Variants in RBL1 observed in about 807,000 individuals in gnomAD.
RBL1 encodes the protein retinoblastoma-like protein 1.
In RBL1, 82 loss-of-function variants were observed where a neutral mutation model predicts 123.0. The observed-to-expected ratio is 0.67, with a 90% CI of 0.56 to 0.80. RBL1 has a LOEUF of 0.80. Ranked by LOEUF, RBL1 falls within the 30% of genes least tolerant of loss-of-function variation. The pLI, the probability that RBL1 is intolerant of heterozygous loss-of-function variation, is 0.00. For synonymous variants in RBL1, 405 were observed against 441.3 expected (o/e 0.92, Z 1.03); for missense variants, 1,171 against 1,299.6 (o/e 0.90, Z 1.52).
At chr20:37,003,909 CT>C in intron 20 of RBL1, 43 bp from the exon 21 acceptor site, 1 of 1,518,268 alleles carries the variant, frequency 6.6e-7, no homozygotes, top group Non-Finnish European at 8.9e-7. Context: ...AAAAGTTTTT[CT>C]TTGTTTTTGA....
intron 19 of RBL1, among the ~76,000 whole-genome samples, chr20:37,012,677 C>G (rs1236831440): frequency 1.8e-4 from 28 of 151,914 alleles, no homozygotes; most frequent in African/African-American, 6.8e-4. Context: ...GCAGCCACCC[C>G]GTCCGGGAGG....
intron 14 of RBL1, among the ~76,000 whole-genome samples, chr20:37,038,954 GA>G (rs2064676784): frequency 6.6e-6 from 1 of 152,142 alleles, no homozygotes; most frequent in South Asian, 2.1e-4. Flanking sequence ...ATTGCAGACA[GA>G]CAAACACACA....
chr20:37,067,095 A>C lies in RBL1; in HGVS notation c.583T>G (p.Leu195Val). The C allele has an allele frequency of 6.3e-7, 1 of 1,598,934 alleles. No homozygotes were observed. ...AGAAGTAAATGATAAGAGTTTACTAAGTCATCCCCAATCATCCGAAAATTA... is the reference window on the plus strand; with the variant it reads ...AGAAGTAAATGATAAGAGTTTACTACGTCATCCCCAATCATCCGAAAATTA... Reference protein sequence around the residue: ...KGNFRMIGDDLVNSYHLLLCC... With the variant: ...KGNFRMIGDDVVNSYHLLLCC... Residue 195 changes from leucine (L) to valine (V), a missense_variant, in exon 5 of 22, where the codon TTA (leucine) becomes GTA (valine). By Grantham distance (32) the Leu-to-Val change is conservative (BLOSUM62 1). Transcript: ENST00000373664.
chr20:37,022,418 C>T (rs2064355482), intron 17 of RBL1, among the ~76,000 whole-genome samples: 1 of 152,140 alleles, frequency 6.6e-6, no homozygotes, highest in Non-Finnish European at 1.5e-5. Flanking sequence ...CCTTGGCCTC[C>T]TGGGCTCAAG....
At chr20:37,073,422 G>T (rs1183627282) in intron 2 of RBL1, among the ~76,000 whole-genome samples, 1 of 152,130 alleles carries the variant, frequency 6.6e-6, no homozygotes, top group Non-Finnish European at 1.5e-5. Context: ...CTACTGCTGG[G>T]TGTGGTGGCT....
intron 16 of RBL1, 27 bp from the exon 17 acceptor site, chr20:37,022,853 C>G: frequency 6.5e-7 from 1 of 1,539,216 alleles, no homozygotes; most frequent in Non-Finnish European, 8.9e-7. Context: ...CACATTGATG[C>G]AAAACACCAA....
chr20:37,079,368 A>C (rs533635123), intron 2 of RBL1, among the ~76,000 whole-genome samples: 3 of 152,076 alleles, frequency 2.0e-5, no homozygotes, highest in Admixed American at 2.0e-4. Flanking sequence ...ATCGGCCATT[A>C]ACTTAGTGAT....
At chr20:37,052,038 G>GTT (rs907980073) in intron 11 of RBL1, among the ~76,000 whole-genome samples, 6 of 145,010 alleles carry the variant, frequency 4.1e-5, no homozygotes, top group Admixed American at 1.4e-4. Flanking sequence ...TTATTTTTAA[G>GTT]TTTTTTTTTT....
At position 37,095,930 on chromosome 20, in the gene RBL1, C is replaced by T. The variant is rs1451042513; in HGVS notation, c.-2G>A. On this transcript the variant is annotated 5_prime_UTR_variant, in exon 1 of 22. Transcript: ENST00000373664. ...AGCGTGGGGCTTGTCCTCGAACATC[C>T]CTTCAGGCCCCGCGGGCTGCGCGCC... The T allele has an allele frequency of 2.6e-6, 4 of 1,552,590 alleles. No homozygotes were observed. Among genetic ancestry groups the T allele is most frequent in the East Asian group, 2.3e-5 (1 of 43,218 alleles).
Position 37,067,247 on chromosome 20 carries a change from A to G in RBL1, c.542T>C (p.Phe181Ser). The change falls in exon 4 of 22, where the codon TTT becomes TCT. Residue 181 changes from phenylalanine (F) to serine (S), a missense_variant. Physicochemically the swap from Phe to Ser is radical, Grantham distance 155. Coordinates refer to ENST00000373664, the MANE Select transcript of RBL1 (RefSeq NM_002895.5). Reference protein sequence around the residue: ...KDLFNFCWTLFVYTKGNFRMI... With the variant: ...KDLFNFCWTLSVYTKGNFRMI... ...TGTCATCTTACCCTTAGTATAAACAAAAAGTGTCCAACAGAAATTAAACAG... is the reference window on the plus strand; with the variant it reads ...TGTCATCTTACCCTTAGTATAAACAGAAAGTGTCCAACAGAAATTAAACAG... 1.9e-6 allele frequency: 3 copies of G among 1,606,184 alleles called. No individual in the cohort carries two copies. Among genetic ancestry groups the G allele is most frequent in the Non-Finnish European group, 2.5e-6 (3 of 1,177,706 alleles).
chr20:37,067,081 A>G lies in RBL1; in HGVS notation c.597T>C (p.Tyr199=), dbSNP rs2065189662. ...GATCCAAGCAGCATAGAAGTAAATGATAAGAGTTTACTAAGTCATCCCCAA... is the reference window on the plus strand; with the variant it reads ...GATCCAAGCAGCATAGAAGTAAATGGTAAGAGTTTACTAAGTCATCCCCAA... ...RMIGDDLVNS[Y]HLLLCCLDLI... The change falls in exon 5 of 22, where the codon TAT becomes TAC. Residue 199 remains tyrosine, a synonymous_variant. Transcript: ENST00000373664. The G allele has an allele frequency of 1.2e-6, 2 of 1,608,208 alleles. No individual in the cohort carries two copies. Among genetic ancestry groups the G allele is most frequent in the East Asian group, 2.2e-5 (1 of 44,828 alleles).
At chr20:37,040,696 C>A (rs2064708854) in intron 13 of RBL1, among the ~76,000 whole-genome samples, 1 of 152,272 alleles carries the variant, frequency 6.6e-6, no homozygotes, top group East Asian at 1.9e-4. Flanking sequence ...TTATTTCTTT[C>A]TCACTTCTTC....
Position 37,003,846 on chromosome 20 carries a change from A to G in RBL1, c.2892T>C (p.Ser964=). 1 of 1,613,176 alleles carries G rather than the reference A, an allele frequency of 6.2e-7. No homozygotes were observed. The highest frequency in any genetic ancestry group is 2.2e-5 in the East Asian group (1 of 44,874). Residue 964 remains serine (S), a synonymous_variant, in exon 21 of 22, where the codon TCT becomes TCC. Coordinates refer to ENST00000373664, the MANE Select transcript of RBL1 (RefSeq NM_002895.5). The part of the protein sequence containing the change: ...QDHMMDAPPL[S]PFPHIKQQPG... ...GCTGTTGTTTAATATGTGGAAAAGG[A>G]GAGAGTGGTGGAGCATCCATCTAAA...
intron 2 of RBL1, among the ~76,000 whole-genome samples, chr20:37,077,313 C>T (rs1033397379): frequency 1.6e-4 from 24 of 152,094 alleles, no homozygotes; most frequent in African/African-American, 4.8e-4. Context: ...GGCTGGGCCA[C>T]GATGCCCAGA....
intron 16 of RBL1, among the ~76,000 whole-genome samples, chr20:37,028,492 G>A (rs1292773248): frequency 6.6e-6 from 1 of 152,072 alleles, no homozygotes; most frequent in Non-Finnish European, 1.5e-5. Flanking sequence ...TCATGCCACT[G>A]CACTGTAGCT....
chr20:37,010,391 T>TTA (rs913013521), intron 19 of RBL1, among the ~76,000 whole-genome samples: 4 of 152,208 alleles, frequency 2.6e-5, no homozygotes, highest in Non-Finnish European at 4.4e-5. Context: ...GTATTAAATA[T>TTA]TATATATATG....
intron 17 of RBL1, 71 bp downstream of exon 17, chr20:37,022,579 G>T: frequency 1.4e-6 from 2 of 1,393,246 alleles, no homozygotes; most frequent in South Asian, 1.6e-5. Flanking sequence ...TGCTCACCTT[G>T]ACCTCCGAAA....
Position 37,047,111 on chromosome 20 carries a change from G to C in RBL1, c.1547C>G (p.Pro516Arg). The change falls in exon 12 of 22, where the codon CCT (proline) becomes CGT (arginine). Residue 516 changes from proline (P) to arginine (R), a missense_variant. Physicochemically the swap from Pro to Arg is moderately radical, Grantham distance 103. Transcript: ENST00000373664. Reference protein sequence around the residue: ...LEIVLFAYSSPRTFPWIIEVL... With the variant: ...LEIVLFAYSSRRTFPWIIEVL... ...TTCAATAATCCAAGGAAAAGTACGA[G>C]GTGAGCTATAGGCAAAGAGCACAAT... The C allele has an allele frequency of 6.2e-7, 1 of 1,605,414 alleles. No individual in the cohort carries two copies. Among genetic ancestry groups the C allele is most frequent in the Non-Finnish European group, 8.5e-7 (1 of 1,178,270 alleles).
chr20:37,060,033 G>T (rs934306310), intron 9 of RBL1, among the ~76,000 whole-genome samples: 2 of 152,000 alleles, frequency 1.3e-5, no homozygotes, highest in East Asian at 1.9e-4. Flanking sequence ...TTAGCTGGGC[G>T]TGGTGGCGCA....
Sources: allele counts gnomAD v4.1 joint callset (sites outside exome capture counted in the v4.1 genomes callset), GRCh38; gene constraint gnomAD v4.1.1; transcripts MANE v1.5; gene names NCBI Gene and HGNC (gene_info 2026-07-23, HGNC 2026-07-21).